SCEL: variants seen among roughly 807,000 people sequenced by gnomAD.
The protein encoded by SCEL is sciellin.
Under a neutral mutation model 117.6 loss-of-function variants are expected in SCEL, and 113 were observed. The observed-to-expected ratio is 0.96, with a 90% CI of 0.83 to 1.12. SCEL has a LOEUF of 1.12. SCEL is among the 50% of genes most tolerant of loss of function. The pLI, the probability that SCEL is intolerant of heterozygous loss-of-function variation, is 0.00. For missense variants in SCEL, 785 were observed against 810.8 expected (o/e 0.97, Z 0.39); for synonymous variants, 270 against 256.2 (o/e 1.05, Z -0.51).
chr13:77,576,977 C>G (rs773569829), intron 9 of SCEL, among the ~76,000 whole-genome samples: 4 of 152,154 alleles, frequency 2.6e-5, no homozygotes, highest in African/African-American at 7.2e-5. Flanking sequence ...GATTTTCACA[C>G]ATTGATTTTG....
Position 77,617,693 on chromosome 13 carries a change from C to A in SCEL, c.1511+35C>A. The A allele has an allele frequency of 4.0e-6, 6 of 1,499,378 alleles. No individual in the cohort carries two copies. The South Asian group carries it at 5.9e-5, about 15-fold the overall frequency. The allele number at this position is 1,499,378 out of a possible 1,614,324, so 92.9% of individuals were successfully genotyped here. A position where few individuals can be genotyped will look rare whatever the true frequency, so the allele number is the denominator to read the frequency against. ...CTATGTTGTTTTAATGTACTTGGGT[C>A]AGAAAGAATATTAAGTTTTATTATT... On this transcript the variant is annotated intron_variant, in intron 25 of 32. Coordinates refer to ENST00000349847, the MANE Select transcript of SCEL (RefSeq NM_144777.3).
At chr13:77,593,295 T>TGTGTGCGTGCGC in intron 11 of SCEL, among the ~76,000 whole-genome samples, 1 of 136,886 alleles carries the variant, frequency 7.3e-6, no homozygotes, top group South Asian at 2.4e-4. Context: ...TGTGTGTGTG[T>TGTGTGCGTGCGC]GTCTGTGTGT....
chr13:77,606,484 T>C (rs1395577532), intron 19 of SCEL: 1 of 152,228 alleles, frequency 6.6e-6, no homozygotes, highest in Non-Finnish European at 1.5e-5. Flanking sequence ...TACCGTTTTG[T>C]TATTTTTTTG....
rs752217656 is a variant in SCEL, at chr13:77,563,909, T to C, written c.290+10T>C. ...ATGACACTTTGGACAGGTAAGGGGC[T>C]TTTGAACCATATAAATGGAATGCAT... On this transcript the variant is annotated intron_variant, in intron 5 of 32. Transcript: ENST00000349847. 7.7e-6 allele frequency: 12 copies of C among 1,548,958 alleles called. No individual in the cohort carries two copies. The highest frequency in any genetic ancestry group is 1.4e-5 in the African/African-American group (1 of 71,482).
chr13:77,622,194 T>G (rs979358784), intron 27 of SCEL, among the ~76,000 whole-genome samples: 2 of 152,206 alleles, frequency 1.3e-5, no homozygotes, highest in African/African-American at 2.4e-5. Flanking sequence ...ATATGAAGAC[T>G]CTTAATTTTG....
chr13:77,617,554 G>T (rs774610258), intron 24 of SCEL, 45 bp from the exon 25 acceptor site: 1 of 1,163,548 alleles, frequency 8.6e-7, no homozygotes, highest in Non-Finnish European at 1.3e-6. Context: ...TTAAACCTGT[G>T]ATTATCTCTA....
At chr13:77,577,825 A>T (rs2086037121) in intron 9 of SCEL, among the ~76,000 whole-genome samples, 1 of 152,104 alleles carries the variant, frequency 6.6e-6, no homozygotes, top group African/African-American at 2.4e-5. Flanking sequence ...TTGTTGGCTG[A>T]TGTTTCTCTG....
At position 77,613,068 on chromosome 13, in the gene SCEL, G is replaced by A. The variant is rs1594122017; in HGVS notation, c.1388+127G>A. 36 of 591,000 alleles carry A rather than the reference G, an allele frequency of 6.1e-5. No individual in the cohort carries two copies. In the East Asian group the frequency reaches 1.2e-3, roughly 20 times the overall value. 36.6% of individuals were successfully genotyped at this position (591,000 alleles called of 1,614,324 possible). On this transcript the variant is annotated intron_variant, in intron 23 of 32. Coordinates refer to ENST00000349847, the MANE Select transcript of SCEL (RefSeq NM_144777.3). ...AAAAAAAATGAGAACAAGTTGATGTGTAATAATGCTGGATAGATTTTTCTG... is the reference window on the plus strand; with the variant it reads ...AAAAAAAATGAGAACAAGTTGATGTATAATAATGCTGGATAGATTTTTCTG...
At chr13:77,563,069 T>G (rs2085073893) in intron 4 of SCEL, among the ~76,000 whole-genome samples, 1 of 152,226 alleles carries the variant, frequency 6.6e-6, no homozygotes, top group South Asian at 2.1e-4. Context: ...TTTGCTTCCA[T>G]GATCACGATT....
intron 13 of SCEL, among the ~76,000 whole-genome samples, chr13:77,598,902 G>A (rs1184738325): frequency 2.6e-5 from 4 of 152,060 alleles, no homozygotes; most frequent in East Asian, 1.9e-4. Context: ...GGTTGGTCTC[G>A]GGCTCCTGGG....
chr13:77,557,611 C>T (rs933597537), intron 3 of SCEL, among the ~76,000 whole-genome samples: 3 of 152,082 alleles, frequency 2.0e-5, no homozygotes, highest in African/African-American at 7.2e-5. Context: ...TTAACATGGC[C>T]CATTGTTTTT....
intron 27 of SCEL, among the ~76,000 whole-genome samples, chr13:77,621,287 C>T (rs532934931): frequency 6.6e-6 from 1 of 152,184 alleles, no homozygotes; most frequent in Middle Eastern, 3.2e-3. Context: ...AAGCCCACCA[C>T]GATCTGGCAT....
chr13:77,602,031 C>G (rs1157320783), intron 15 of SCEL, 34 bp from the exon 16 acceptor site: 4 of 1,576,436 alleles, frequency 2.5e-6, no homozygotes, highest in Non-Finnish European at 3.4e-6. Flanking sequence ...GCCTCACTCT[C>G]TCTTTCTCTT....
chr13:77,579,818 G>C (rs1397444578), intron 9 of SCEL, among the ~76,000 whole-genome samples: 1 of 152,198 alleles, frequency 6.6e-6, no homozygotes, highest in East Asian at 1.9e-4. Flanking sequence ...GATGCAAAGG[G>C]GAGGTGTGGA....
chr13:77,602,950 A>G (rs2087825660), intron 17 of SCEL, 126 bp from the exon 18 acceptor site: 2 of 647,128 alleles, frequency 3.1e-6, no homozygotes, highest in South Asian at 2.4e-5. Context: ...TTATACTTAA[A>G]GCCAATTTAA....
chr13:77,637,165 C>A lies in SCEL; in HGVS notation c.1809C>A (p.Tyr603Ter). The A allele has an allele frequency of 6.4e-7, 1 of 1,560,628 alleles. No individual in the cohort carries two copies. Among genetic ancestry groups the A allele is most frequent in the African/African-American group, 1.4e-5 (1 of 72,076 alleles). ...DGYQENISGK[Y>*]IQTVYSTSDR... is the part of the protein sequence containing the mutation. ...ATCAGGAGAATATCTCTGGAAAATA[C>A]ATACAAACTGTTTATTCAACTTCTG... The change falls in exon 30 of 33, where the codon TAC becomes TAA. Residue 603 changes from tyrosine (Y) to a stop codon, truncating the protein, a stop_gained. Transcript: ENST00000349847. LOFTEE classifies it high-confidence loss of function.
intron 9 of SCEL, among the ~76,000 whole-genome samples, 188 bp from the exon 10 acceptor site, chr13:77,588,956 C>G (rs2086714154): frequency 1.3e-5 from 2 of 152,178 alleles, no homozygotes; most frequent in Admixed American, 1.3e-4. Context: ...TAAAAATACA[C>G]ATATTTTCAA....
intron 24 of SCEL, among the ~76,000 whole-genome samples, chr13:77,616,197 AT>A (rs907333965): frequency 2.6e-5 from 4 of 151,732 alleles, no homozygotes; most frequent in Admixed American, 6.6e-5. Flanking sequence ...GTTCTAGTGG[AT>A]TTTTTTTATG....
chr13:77,602,203 G>C (rs2087757480), intron 16 of SCEL, 79 bp downstream of exon 16: 1 of 1,201,056 alleles, frequency 8.3e-7, no homozygotes, highest in Non-Finnish European at 1.2e-6. Flanking sequence ...GGAGTGTTAT[G>C]CTTTCCTTTG....
Sources: gnomAD v4.1 joint callset for allele counts (sites outside exome capture counted in the v4.1 genomes callset) on GRCh38, gnomAD v4.1.1 for gene constraint, MANE v1.5 for transcripts, NCBI Gene and HGNC (gene_info 2026-07-23, HGNC 2026-07-21) for gene names.